Variants in CDH18 observed in about 807,000 individuals in gnomAD.
CDH18 encodes the protein cadherin 18.
A neutral mutation model predicts 67.9 loss-of-function variants in CDH18; 31 were observed. The observed-to-expected ratio is 0.46, with a 90% CI of 0.34 to 0.62. CDH18 has a LOEUF of 0.62. CDH18 is among the 20% of genes least tolerant of loss of function. The pLI is 0.01. For missense variants in CDH18, 890 were observed against 975.5 expected (o/e 0.91, Z 1.17); for synonymous variants, 362 against 347.2 (o/e 1.04, Z -0.48).
chr5:19,493,653 T>C (rs1240798574), intron 11 of CDH18, among the ~76,000 whole-genome samples: 3 of 152,074 alleles, frequency 2.0e-5, no homozygotes, highest in Non-Finnish European at 4.4e-5. Flanking sequence ...TAATAGACAT[T>C]TCATAAGAAA....
At chr5:19,490,060 C>T (rs973229958) in intron 11 of CDH18, among the ~76,000 whole-genome samples, 3 of 151,154 alleles carry the variant, frequency 2.0e-5, no homozygotes, top group African/African-American at 7.3e-5. Context: ...CTTTTATAAA[C>T]AGTATTTTTT....
intron 2 of CDH18, among the ~76,000 whole-genome samples, chr5:20,228,708 A>G (rs1741831172): frequency 6.6e-6 from 1 of 152,028 alleles, no homozygotes. Flanking sequence ...GTGAGATAAT[A>G]TGGTATTTGT....
intron 2 of CDH18, among the ~76,000 whole-genome samples, chr5:20,026,741 G>A (rs551123457): frequency 1.4e-3 from 212 of 152,246 alleles, no homozygotes; most frequent in African/African-American, 4.7e-3. Context: ...GGTGGATCAT[G>A]AGGTCAGGAG....
At chr5:19,979,334 T>C (rs919000601) in intron 2 of CDH18, among the ~76,000 whole-genome samples, 2 of 152,022 alleles carry the variant, frequency 1.3e-5, no homozygotes, top group African/African-American at 4.8e-5. Context: ...AATATAGTAA[T>C]CTTGTATATT....
At position 20,418,242 on chromosome 5, in the gene CDH18, A is replaced by ATTTTTTT. The variant is rs58308147; in HGVS notation, c.-580+157213_-580+157219dup. On this transcript the variant is annotated intron_variant, in intron 1 of 14. Coordinates refer to the CDH18 transcript ENST00000507958. ...AGGTGTCTGCCACCACTGCTGGCTA[A>ATTTTTTT]TTTTTTTTTTTTTTTTTTTTTTTTG... Among the ~76,000 whole-genome samples, 284 of 56,870 alleles carry ATTTTTTT rather than the reference A, an allele frequency of 5.0e-3. 2 individuals are homozygous for ATTTTTTT. Among genetic ancestry groups the ATTTTTTT allele is most frequent in the Middle Eastern group, 0.014 (1 of 72 alleles). The allele number at this position is 56,870 out of a possible 152,430, so 37.3% of individuals were successfully genotyped here.
chr5:19,602,130 A>C (rs890327007), intron 6 of CDH18, among the ~76,000 whole-genome samples: 10 of 152,152 alleles, frequency 6.6e-5, no homozygotes, highest in Non-Finnish European at 1.5e-4. Context: ...AATTAAAAGC[A>C]TCCAAATTGG....
intron 8 of CDH18, among the ~76,000 whole-genome samples, chr5:19,550,015 T>C (rs1737126634): frequency 6.6e-6 from 1 of 152,102 alleles, no homozygotes; most frequent in African/African-American, 2.4e-5. Context: ...TTTGATGATT[T>C]CATATGACAT....
At chr5:20,172,087 C>A (rs957946988) in intron 2 of CDH18, among the ~76,000 whole-genome samples, 1 of 147,668 alleles carries the variant, frequency 6.8e-6, no homozygotes, top group Non-Finnish European at 1.5e-5. Flanking sequence ...CGTTTAGTAA[C>A]AATTGCCTAG....
intron 1 of CDH18, among the ~76,000 whole-genome samples, chr5:20,360,064 A>C (rs1741964085): frequency 7.1e-6 from 1 of 141,398 alleles, no homozygotes; most frequent in Admixed American, 6.9e-5. Flanking sequence ...ATATATACTT[A>C]TATTATTGTA....
At chr5:19,937,389 T>C (rs1459018872) in intron 2 of CDH18, among the ~76,000 whole-genome samples, 1 of 151,432 alleles carries the variant, frequency 6.6e-6, no homozygotes, top group Non-Finnish European at 1.5e-5. Context: ...GATTTACATA[T>C]GGCCCTGATG....
intron 7 of CDH18, among the ~76,000 whole-genome samples, chr5:19,581,437 A>T (rs183971838): frequency 6.6e-6 from 1 of 152,068 alleles, no homozygotes; most frequent in Admixed American, 6.6e-5. Flanking sequence ...CACTTCTATT[A>T]TTCCTTAAAT....
intron 2 of CDH18, among the ~76,000 whole-genome samples, chr5:20,141,433 A>C (rs1246127684): frequency 6.6e-6 from 1 of 152,204 alleles, no homozygotes; most frequent in African/African-American, 2.4e-5. Flanking sequence ...TGTATGAAAA[A>C]GAATTTATGA....
chr5:20,409,078 A>T (rs1331878116), intron 1 of CDH18, among the ~76,000 whole-genome samples: 6 of 151,946 alleles, frequency 3.9e-5, no homozygotes, highest in African/African-American at 1.4e-4. Flanking sequence ...ATATATTAAA[A>T]ATTTCACAAA....
intron 10 of CDH18, among the ~76,000 whole-genome samples, chr5:19,513,587 T>C (rs1745457519): frequency 1.3e-5 from 2 of 152,140 alleles, no homozygotes; most frequent in African/African-American, 4.8e-5. Context: ...TAAATTGTTA[T>C]TCTATTTTAT....
At chr5:20,426,391 CTT>C (rs1368822479) in intron 1 of CDH18, among the ~76,000 whole-genome samples, 5 of 151,122 alleles carry the variant, frequency 3.3e-5, no homozygotes, top group Non-Finnish European at 7.4e-5. Flanking sequence ...AGTTTTTACT[CTT>C]TTAACCGTAT....
At chr5:20,337,714 A>G (rs10805693) in intron 1 of CDH18, among the ~76,000 whole-genome samples, 123,984 of 152,156 alleles carry the variant, frequency 0.81, 50,814 homozygotes, top group African/African-American at 0.91. Context: ...CCTCCAAACA[A>G]TTCCAACCTC....
chr5:20,294,018 T>C (rs1561945936), intron 1 of CDH18, among the ~76,000 whole-genome samples: 1 of 152,198 alleles, frequency 6.6e-6, no homozygotes, highest in Non-Finnish European at 1.5e-5. Flanking sequence ...CCAATAAATA[T>C]TTTAATGAAT....
At chr5:20,506,036 TAAG>T (rs1414279092) in intron 1 of CDH18, among the ~76,000 whole-genome samples, 1 of 151,754 alleles carries the variant, frequency 6.6e-6, no homozygotes, top group Non-Finnish European at 1.5e-5. Flanking sequence ...ATAAAGAGGG[TAAG>T]AAGAGAAAGA....
intron 1 of CDH18, among the ~76,000 whole-genome samples, chr5:20,328,551 TAGG>T (rs1738845342): frequency 1.3e-5 from 2 of 151,210 alleles, no homozygotes; most frequent in Non-Finnish European, 2.9e-5. Context: ...TGGGGAGAAT[TAGG>T]AGAATTTCTT....
Sources: gnomAD v4.1 joint callset for allele counts (sites outside exome capture counted in the v4.1 genomes callset) on GRCh38, gnomAD v4.1.1 for gene constraint, MANE v1.5 for transcripts, NCBI Gene and HGNC (gene_info 2026-07-23, HGNC 2026-07-21) for gene names.